FLRT1: variants seen among roughly 807,000 people sequenced by gnomAD.
The protein encoded by FLRT1 is fibronectin leucine rich transmembrane protein 1.
A neutral mutation model predicts 30.9 loss-of-function variants in FLRT1; 14 were observed. The ratio of observed to expected loss-of-function variants is 0.45; its 90% CI spans 0.30 to 0.71. The LOEUF (loss-of-function observed/expected upper bound fraction) is 0.71. Among genes scored for constraint, FLRT1 ranks in the 30% least tolerant of loss-of-function variants. The pLI is 0.08. For synonymous variants in FLRT1, 368 were observed against 430.4 expected (o/e 0.85, Z 1.80); for missense variants, 737 against 949.2 (o/e 0.78, Z 2.94).
At chr11:64,071,927 T>C (rs913309157) in intron 1 of FLRT1, among the ~76,000 whole-genome samples, 7 of 152,150 alleles carry the variant, frequency 4.6e-5, no homozygotes. Flanking sequence ...CCAGTGACAC[T>C]TCTAGGTCCC....
Position 64,090,889 on chromosome 11 carries a change from CA to C in FLRT1, c.-1037-12304del, listed in dbSNP as rs1406568609. 6.6e-6 allele frequency among the ~76,000 whole-genome samples: 1 copy of C among 151,956 alleles called. No individual in the cohort carries two copies. Among genetic ancestry groups the C allele is most frequent in the Non-Finnish European group, 1.5e-5 (1 of 67,974 alleles). ...AGGGACGAAGTAAAGCAGGAGAGGG[CA>C]GGGGGAGGGACAGCCAGGGTGGTCA... On this transcript the variant is annotated intron_variant, in intron 1 of 2. Coordinates refer to ENST00000682287, the MANE Select transcript of FLRT1 (RefSeq NM_013280.5). This position sits in a 1 kb window ranked among gnomAD's most constrained non-coding sequence, Gnocchi z 4.7.
intron 1 of FLRT1, among the ~76,000 whole-genome samples, chr11:64,097,605 G>A (rs955803200): frequency 6.6e-6 from 1 of 152,254 alleles, no homozygotes; most frequent in Non-Finnish European, 1.5e-5. Flanking sequence ...TGAAAGTCTG[G>A]GTTTTGTCAG....
chr11:64,083,188 C>A (rs1162267356), intron 1 of FLRT1: 1 of 152,270 alleles, frequency 6.6e-6, no homozygotes, highest in Admixed American at 6.5e-5. Flanking sequence ...GTAATCCCGG[C>A]ACTTTGGGAG....
At position 64,117,388 on chromosome 11, in the gene FLRT1, A is replaced by G. The variant is rs779228423; in HGVS notation, c.1121A>G (p.Glu374Gly). 6 of 1,612,176 alleles carry G rather than the reference A, an allele frequency of 3.7e-6. No homozygotes were observed. The highest frequency in any genetic ancestry group is 5.1e-6 in the Non-Finnish European group (6 of 1,178,544). Reference sequence around the variant, plus strand: ...ATGGCCATCAAGGACATTACCAGCGAGATGGACGAGTGTTTTGAGACGGGG... The same window carrying G: ...ATGGCCATCAAGGACATTACCAGCGGGATGGACGAGTGTTTTGAGACGGGG... ...RGMAIKDITSEMDECFETGPQ... is the reference protein window; with the variant it reads ...RGMAIKDITSGMDECFETGPQ... The change falls in exon 3 of 3, where the codon GAG becomes GGG. Residue 374 changes from glutamate (E) to glycine (G), a missense_variant. By Grantham distance (98) the Glu-to-Gly change is moderately conservative. Coordinates refer to ENST00000682287, the MANE Select transcript of FLRT1 (RefSeq NM_013280.5).
At position 64,067,231 on chromosome 11, in the gene FLRT1, T is replaced by C. The variant is rs2134452779; in HGVS notation, c.-1038+31072T>C. On this transcript the variant is annotated intron_variant, in intron 1 of 2. Transcript: ENST00000682287. The surrounding 1 kb of genome is among the most constrained non-coding windows in gnomAD (Gnocchi z 4.6). The stretch of plus-strand genomic sequence containing the variant: ...AGATGGGAGGGGTGGGGAGAGGCCT[T>C]GCATGGCACCCACTCCCACCTGTGC... Among the ~76,000 whole-genome samples the C allele has an allele frequency of 6.6e-6, 1 of 152,076 alleles. No individual in the cohort carries two copies. The highest frequency in any genetic ancestry group is 1.9e-4 in the East Asian group (1 of 5,162).
At chr11:64,087,672 T>C (rs1171328175) in intron 1 of FLRT1, among the ~76,000 whole-genome samples, 1 of 152,228 alleles carries the variant, frequency 6.6e-6, no homozygotes, top group East Asian at 1.9e-4. Flanking sequence ...TGTCCTCATA[T>C]TCACTCTCCT....
chr11:64,093,895 G>T (rs946864379), intron 1 of FLRT1, among the ~76,000 whole-genome samples: 6 of 152,230 alleles, frequency 3.9e-5, no homozygotes, highest in African/African-American at 1.4e-4. Flanking sequence ...GAAGCTGGGG[G>T]CAAGGTGTCC....
intron 1 of FLRT1, among the ~76,000 whole-genome samples, chr11:64,062,156 G>A (rs1294313921): frequency 2.0e-5 from 3 of 152,064 alleles, no homozygotes; most frequent in Admixed American, 6.6e-5. Context: ...TCCCCAGACA[G>A]GGATTCCTCT....
intron 1 of FLRT1, among the ~76,000 whole-genome samples, chr11:64,042,297 C>A (rs1590828294): frequency 2.0e-5 from 3 of 152,320 alleles, no homozygotes; most frequent in African/African-American, 7.2e-5. Context: ...CCTCTGGAAG[C>A]TGCCACGAGG....
chr11:64,100,679 G>A (rs1323855588), intron 1 of FLRT1, among the ~76,000 whole-genome samples: 1 of 152,178 alleles, frequency 6.6e-6, no homozygotes, highest in Non-Finnish European at 1.5e-5. Flanking sequence ...CCACACAAGG[G>A]AAGAGCCACA....
intron 1 of FLRT1, among the ~76,000 whole-genome samples, chr11:64,101,651 C>T (rs1183886938): frequency 6.6e-6 from 1 of 152,190 alleles, no homozygotes; most frequent in Admixed American, 6.5e-5. Flanking sequence ...GATGAAATCA[C>T]GCGGGTGGTA....
chr11:64,045,972 G>A (rs1943577335), intron 1 of FLRT1, among the ~76,000 whole-genome samples: 1 of 152,142 alleles, frequency 6.6e-6, no homozygotes, highest in East Asian at 1.9e-4. Context: ...CACTCACTGT[G>A]GACCTGCAGT....
intron 1 of FLRT1, among the ~76,000 whole-genome samples, chr11:64,048,214 C>G (rs1025964234): frequency 2.0e-5 from 3 of 152,214 alleles, no homozygotes; most frequent in African/African-American, 7.2e-5. Flanking sequence ...CGGGGGCCTT[C>G]GAGGAGAGCT....
At chr11:64,079,112 G>C (rs941817739) in intron 1 of FLRT1, among the ~76,000 whole-genome samples, 3 of 152,142 alleles carry the variant, frequency 2.0e-5, no homozygotes, top group East Asian at 1.9e-4. Flanking sequence ...ATGGTGCAGT[G>C]GGGGGCGGTG....
chr11:64,073,023 A>T (rs567327093), intron 1 of FLRT1, among the ~76,000 whole-genome samples: 1 of 152,276 alleles, frequency 6.6e-6, no homozygotes, highest in East Asian at 1.9e-4. Flanking sequence ...ACCCACAGGC[A>T]GCCAGAGGCA....
chr11:64,050,616 G>C (rs780051249), intron 1 of FLRT1, among the ~76,000 whole-genome samples: 12 of 152,214 alleles, frequency 7.9e-5, no homozygotes, highest in Non-Finnish European at 1.6e-4. Context: ...CGGTGACCAT[G>C]ACCCAGCAGT....
At chr11:64,053,433 G>C (rs1013062750) in intron 1 of FLRT1, among the ~76,000 whole-genome samples, 3 of 152,216 alleles carry the variant, frequency 2.0e-5, no homozygotes, top group African/African-American at 7.2e-5. Context: ...CCCTCCAGGG[G>C]CACTGAGGTG....
chr11:64,088,040 C>G (rs963724844), intron 1 of FLRT1, among the ~76,000 whole-genome samples: 2 of 152,176 alleles, frequency 1.3e-5, no homozygotes, highest in Non-Finnish European at 2.9e-5. Flanking sequence ...GCCCTGGTGG[C>G]CCTGTCACTG....
chr11:64,037,629 G>A (rs1476246856), intron 1 of FLRT1, among the ~76,000 whole-genome samples: 1 of 152,162 alleles, frequency 6.6e-6, no homozygotes, highest in Non-Finnish European at 1.5e-5. Context: ...TGGCTGAAGG[G>A]TCGGCCATGG....
Sources: allele counts gnomAD v4.1 joint callset (sites outside exome capture counted in the v4.1 genomes callset), GRCh38; gene constraint gnomAD v4.1.1; non-coding constraint Gnocchi (gnomAD v3.1); transcripts MANE v1.5; gene names NCBI Gene and HGNC (gene_info 2026-07-23, HGNC 2026-07-21).